Variants in ATG5 observed in about 807,000 individuals in gnomAD.
ATG5 encodes the protein autophagy related 5, also known as autophagy protein 5.
ATG5 carries 14 observed loss-of-function variants against 36.5 expected under a neutral mutation model. That is an observed-to-expected ratio of 0.38 (90% CI 0.25 to 0.60). The LOEUF (loss-of-function observed/expected upper bound fraction) is 0.60. ATG5 is among the 20% of genes least tolerant of loss of function. The probability of loss-of-function intolerance (pLI) is 0.60; values close to 1 mark genes in which losing one functional copy is unlikely to be tolerated. For synonymous variants in ATG5, 95 were observed against 101.5 expected, an observed-to-expected ratio of 0.94 and a Z score of 0.38; for missense variants, 195 against 326.7, an observed-to-expected ratio of 0.60 and a Z score of 3.11.
intron 7 of ATG5, among the ~76,000 whole-genome samples, chr6:106,199,400 C>T (rs1443955935): frequency 6.6e-6 from 1 of 152,120 alleles, no homozygotes; most frequent in Admixed American, 6.5e-5. Context: ...AAACTATGGA[C>T]ACTTGCTTCA....
rs539388507 is a variant in ATG5 at position 106,315,608 on chromosome 6, C to T, written c.108+493G>A. Among the ~76,000 whole-genome samples, 7 of 152,006 alleles carry T rather than the reference C, an allele frequency of 4.6e-5. No homozygotes were observed. In the East Asian group the frequency reaches 5.8e-4, roughly 13 times the overall value. On this transcript the variant is annotated intron_variant, in intron 2 of 7. Coordinates refer to ENST00000369076, the MANE Select transcript of ATG5 (RefSeq NM_004849.4). Reference sequence around the variant, plus strand: ...ACATACAATAGCTCAGTGAACGTATCGTGTGTGTGTATGTGTGCATGTTTA... The same window carrying T: ...ACATACAATAGCTCAGTGAACGTATTGTGTGTGTGTATGTGTGCATGTTTA...
intron 7 of ATG5, 158 bp downstream of exon 7, chr6:106,201,814 A>G (rs140773145): frequency 7.5e-5 from 32 of 427,624 alleles, no homozygotes; most frequent in African/African-American, 3.0e-4. Context: ...TTACAAAATA[A>G]TATATTAAAT....
At chr6:106,310,847 T>G (rs1245461112) in intron 2 of ATG5, among the ~76,000 whole-genome samples, 1 of 152,226 alleles carries the variant, frequency 6.6e-6, no homozygotes, top group African/African-American at 2.4e-5. Flanking sequence ...ATGTCTTCAA[T>G]GTTCTTTTAG....
intron 5 of ATG5, among the ~76,000 whole-genome samples, chr6:106,253,951 G>T (rs1582615625): frequency 6.6e-6 from 1 of 152,276 alleles, no homozygotes; most frequent in South Asian, 2.1e-4. Flanking sequence ...CCTAGAAGCA[G>T]ATTCCTACCA....
chr6:106,233,259 A>G (rs563164582), intron 6 of ATG5, among the ~76,000 whole-genome samples: 1 of 152,230 alleles, frequency 6.6e-6, no homozygotes, highest in Non-Finnish European at 1.5e-5. Flanking sequence ...AAAACCCTAA[A>G]GCAACTAAGA....
intron 6 of ATG5, among the ~76,000 whole-genome samples, chr6:106,214,513 T>A (rs1370389529): frequency 6.6e-6 from 1 of 152,162 alleles, no homozygotes; most frequent in South Asian, 2.1e-4. Context: ...GGACACTTAA[T>A]CTCCAAAGGA....
At chr6:106,230,499 G>A (rs1003230880) in intron 6 of ATG5, among the ~76,000 whole-genome samples, 1 of 152,054 alleles carries the variant, frequency 6.6e-6, no homozygotes, top group African/African-American at 2.4e-5. Flanking sequence ...AGGGGTGAGG[G>A]CTGCTACATC....
chr6:106,243,121 T>A (rs1405174257), intron 6 of ATG5, among the ~76,000 whole-genome samples: 1 of 152,210 alleles, frequency 6.6e-6, no homozygotes, highest in Non-Finnish European at 1.5e-5. Flanking sequence ...AACCGGTATC[T>A]AGATTCTTAA....
intron 2 of ATG5, among the ~76,000 whole-genome samples, chr6:106,309,008 A>C (rs1301116234): frequency 6.6e-6 from 1 of 152,162 alleles, no homozygotes; most frequent in Non-Finnish European, 1.5e-5. Flanking sequence ...GAACCTGGTC[A>C]GTGTTTTTTC....
chr6:106,202,176 C>G (rs2114357724), intron 6 of ATG5, 87 bp from the exon 7 acceptor site: 1 of 957,108 alleles, frequency 1.0e-6, no homozygotes, highest in East Asian at 2.5e-5. Flanking sequence ...TTTATGTTGG[C>G]ATTAGGTGCC....
intron 7 of ATG5, among the ~76,000 whole-genome samples, chr6:106,196,158 T>G (rs1457462558): frequency 1.3e-5 from 2 of 152,054 alleles, no homozygotes; most frequent in Non-Finnish European, 2.9e-5. Flanking sequence ...ATAAAAACAG[T>G]AGACACTCAG....
chr6:106,255,909 T>C (rs1233340698), intron 5 of ATG5, among the ~76,000 whole-genome samples: 1 of 152,172 alleles, frequency 6.6e-6, no homozygotes, highest in Admixed American at 6.5e-5. Flanking sequence ...TTATAACCAA[T>C]AACCTCCTGT....
intron 3 of ATG5, among the ~76,000 whole-genome samples, chr6:106,296,967 T>C (rs1271948760): frequency 6.6e-6 from 1 of 152,058 alleles, no homozygotes; most frequent in Non-Finnish European, 1.5e-5. Flanking sequence ...ATTAGACAAA[T>C]CAGGACAAAA....
At chr6:106,319,906 C>CA (rs1770998772) in intron 1 of ATG5, among the ~76,000 whole-genome samples, 1 of 151,970 alleles carries the variant, frequency 6.6e-6, no homozygotes, top group South Asian at 2.1e-4. Flanking sequence ...AACAGAATCC[C>CA]AAAAAATGAG....
intron 5 of ATG5, among the ~76,000 whole-genome samples, chr6:106,254,044 C>T (rs1778703489): frequency 6.6e-6 from 1 of 152,158 alleles, no homozygotes; most frequent in Non-Finnish European, 1.5e-5. Context: ...TAAGTTACTA[C>T]CTACCTTACT....
At position 106,184,519 on chromosome 6, in the gene ATG5, T is replaced by G. The variant is rs1174715843; in HGVS notation, c.*2021A>C. 1.3e-5 allele frequency: 2 copies of G among 152,174 alleles called. No individual in the cohort carries two copies. Among genetic ancestry groups the G allele is most frequent in the African/African-American group, 4.8e-5 (2 of 41,434 alleles). The allele number at this position is 152,174 out of a possible 1,614,324, so 9.4% of individuals were successfully genotyped here. ...AAACCATAAAATTTAAATATTCAAA[T>G]GAAAAGAAACAAAAATAGATTATTT... On this transcript the variant is annotated 3_prime_UTR_variant, in exon 8 of 8. Coordinates refer to ENST00000369076, the MANE Select transcript of ATG5 (RefSeq NM_004849.4).
chr6:106,276,066 G>A (rs917434595), intron 5 of ATG5, among the ~76,000 whole-genome samples: 21 of 152,298 alleles, frequency 1.4e-4, no homozygotes, highest in African/African-American at 2.2e-4. Context: ...CATCAAGACC[G>A]CTTTACTCCC....
chr6:106,225,461 T>A (rs1777418067), intron 6 of ATG5, among the ~76,000 whole-genome samples: 1 of 152,212 alleles, frequency 6.6e-6, no homozygotes, highest in Non-Finnish European at 1.5e-5. Context: ...ATTTTATAAA[T>A]AATTAGAAAG....
chr6:106,197,528 T>TGG lies in ATG5; in HGVS notation c.691+4442_691+4443dup, dbSNP rs958426076. Among the ~76,000 whole-genome samples the TGG allele has an allele frequency of 6.1e-3, 333 of 54,938 alleles. 1 individual carries two copies. Among genetic ancestry groups the TGG allele is most frequent in the African/African-American group, 0.02 (309 of 15,510 alleles). 36.0% of individuals were successfully genotyped at this position (54,938 alleles called of 152,430 possible). On this transcript the variant is annotated intron_variant, in intron 7 of 7. Transcript: ENST00000369076. The stretch of plus-strand genomic sequence containing the variant: ...CTAATGGGAGGTATTTGGGTTGGGG[T>TGG]GGGGGGGGCGGGGGTGGATCCCTCA...
Sources: allele counts gnomAD v4.1 joint callset (sites outside exome capture counted in the v4.1 genomes callset), GRCh38; gene constraint gnomAD v4.1.1; transcripts MANE v1.5; gene names NCBI Gene and HGNC (gene_info 2026-07-23, HGNC 2026-07-21).